KCNT2: variants seen among roughly 807,000 people sequenced by gnomAD.
KCNT2 encodes potassium channel subfamily T member 2.
In KCNT2, 67 loss-of-function variants were observed where a neutral mutation model predicts 153.8. The ratio of observed to expected loss-of-function variants is 0.44; its 90% CI spans 0.36 to 0.53. KCNT2 has a LOEUF of 0.53. KCNT2 is among the 20% of genes least tolerant of loss of function. The probability of loss-of-function intolerance (pLI) is 0.00; values close to 1 mark genes in which losing one functional copy is unlikely to be tolerated. For missense variants in KCNT2, 975 were observed against 1,354.8 expected, an observed-to-expected ratio of 0.72 and a Z score of 4.40; for synonymous variants, 500 against 458.8, an observed-to-expected ratio of 1.09 and a Z score of -1.15.
rs113738800 is a variant in KCNT2, at chr1:196,528,637, G to A, written c.96-36296C>T. ...AGCCTTTTAGTTTTAAGTGTTGATC[G>A]TAAAAAAACAGAATCATTAATGGAG... On this transcript the variant is annotated intron_variant, in intron 1 of 27. Transcript: ENST00000294725. Among the ~76,000 whole-genome samples, 1,213 of 152,142 alleles carry A rather than the reference G, an allele frequency of 8.0e-3. 6 individuals are homozygous for A. The highest frequency in any genetic ancestry group is 0.012 in the Non-Finnish European group (821 of 67,960).
intron 13 of KCNT2, among the ~76,000 whole-genome samples, chr1:196,376,585 C>T (rs1378110546): frequency 6.6e-6 from 1 of 151,704 alleles, no homozygotes; most frequent in African/African-American, 2.4e-5. Context: ...ATGTTCTTTC[C>T]TCTAGGCTAA....
chr1:196,260,818 T>C (rs1340785189), intron 25 of KCNT2, among the ~76,000 whole-genome samples: 1 of 151,720 alleles, frequency 6.6e-6, no homozygotes, highest in Non-Finnish European at 1.5e-5. Context: ...ATAGCCCCTA[T>C]AAAAAAGTGA....
chr1:196,255,891 T>C (rs895511027), intron 26 of KCNT2, among the ~76,000 whole-genome samples: 24 of 152,026 alleles, frequency 1.6e-4, no homozygotes, highest in African/African-American at 5.1e-4. Flanking sequence ...AACCTGTATA[T>C]CAGAAAATAT....
chr1:196,520,164 A>G (rs6703423), intron 1 of KCNT2, among the ~76,000 whole-genome samples: 2,616 of 152,270 alleles, frequency 0.017, 77 homozygotes, highest in African/African-American at 0.059. Flanking sequence ...ATGTAAATCA[A>G]TAAATGTCAT....
intron 1 of KCNT2, among the ~76,000 whole-genome samples, chr1:196,543,647 A>G (rs1344566092): frequency 2.6e-5 from 4 of 152,126 alleles, no homozygotes; most frequent in Non-Finnish European, 1.5e-5. Context: ...AATTTTCTGG[A>G]TGGTCCTTAA....
Position 196,235,978 on chromosome 1 carries a change from CA to C in KCNT2, c.3296+7del. On this transcript the variant is annotated splice_region_variant and intron_variant, in intron 27 of 27. Coordinates refer to ENST00000294725, the MANE Select transcript of KCNT2 (RefSeq NM_198503.5). Reference sequence around the variant, plus strand: ...ATCTGTCTTATATGAGATATGAGATCAACTTACACAACATCATTCAGCTCTA... The same window carrying C: ...ATCTGTCTTATATGAGATATGAGATCACTTACACAACATCATTCAGCTCTA... The C allele has an allele frequency of 6.5e-7, 1 of 1,535,180 alleles. No homozygotes were observed. Among genetic ancestry groups the C allele is most frequent in the Non-Finnish European group, 9.0e-7 (1 of 1,111,782 alleles).
At chr1:196,336,754 G>C (rs993159243) in intron 16 of KCNT2, among the ~76,000 whole-genome samples, 1 of 152,110 alleles carries the variant, frequency 6.6e-6, no homozygotes, top group African/African-American at 2.4e-5. Context: ...CTTATGTTAC[G>C]ACCTATCAGT....
intron 19 of KCNT2, among the ~76,000 whole-genome samples, chr1:196,321,941 T>C (rs543301042): frequency 2.0e-5 from 3 of 152,082 alleles, no homozygotes; most frequent in South Asian, 4.1e-4. Context: ...AGGCTCATAA[T>C]AAAACAATTT....
intron 25 of KCNT2, among the ~76,000 whole-genome samples, chr1:196,276,906 C>T (rs1658625773): frequency 6.6e-6 from 1 of 152,000 alleles, no homozygotes; most frequent in African/African-American, 2.4e-5. Context: ...TTTAGGATCC[C>T]CTCCTTTCCT....
At chr1:196,376,634 G>A (rs1668991949) in intron 13 of KCNT2, among the ~76,000 whole-genome samples, 1 of 151,828 alleles carries the variant, frequency 6.6e-6, no homozygotes, top group Non-Finnish European at 1.5e-5. Flanking sequence ...CAACTCTTTA[G>A]CATTCCACCT....
At chr1:196,370,115 G>T (rs2148318213) in intron 14 of KCNT2, among the ~76,000 whole-genome samples, 1 of 152,248 alleles carries the variant, frequency 6.6e-6, no homozygotes, top group South Asian at 2.1e-4. Context: ...CTTTTACACT[G>T]TTGGTGGGAC....
At chr1:196,553,588 G>A (rs1417587857) in intron 1 of KCNT2, among the ~76,000 whole-genome samples, 1 of 150,970 alleles carries the variant, frequency 6.6e-6, no homozygotes, top group Non-Finnish European at 1.5e-5. Flanking sequence ...CTCCCAGAAA[G>A]AAAATCAATA....
chr1:196,318,150 C>G (rs1662918575), intron 20 of KCNT2, among the ~76,000 whole-genome samples: 1 of 151,584 alleles, frequency 6.6e-6, no homozygotes, highest in South Asian at 2.1e-4. Context: ...AGATGGAAAA[C>G]AAGTTATAGG....
At chr1:196,299,685 A>G (rs1381249765) in intron 22 of KCNT2, among the ~76,000 whole-genome samples, 2 of 152,180 alleles carry the variant, frequency 1.3e-5, no homozygotes, top group African/African-American at 4.8e-5. Flanking sequence ...ATTATGGACA[A>G]CAAAATGAAG....
chr1:196,362,120 T>C (rs1301747981), intron 14 of KCNT2, among the ~76,000 whole-genome samples: 1 of 152,076 alleles, frequency 6.6e-6, no homozygotes, highest in Non-Finnish European at 1.5e-5. Context: ...ACTTTTTTTG[T>C]TTGTTTGTTC....
chr1:196,377,580 G>T (rs1669080307), intron 13 of KCNT2, among the ~76,000 whole-genome samples: 1 of 151,934 alleles, frequency 6.6e-6, no homozygotes, highest in Admixed American at 6.6e-5. Flanking sequence ...ACTAATGTTT[G>T]TTCACAGCAC....
intron 20 of KCNT2, chr1:196,317,338 C>A: frequency 2.4e-6 from 1 of 420,202 alleles, no homozygotes; most frequent in Non-Finnish European, 4.8e-6. Context: ...TAACATCCAA[C>A]CACTATGATG....
intron 1 of KCNT2, among the ~76,000 whole-genome samples, chr1:196,607,946 G>A (rs1198485008): frequency 6.6e-6 from 1 of 152,184 alleles, no homozygotes; most frequent in Admixed American, 6.5e-5. Context: ...GAAAAGCACA[G>A]ATAGACAAAA....
rs540118394 is a variant in KCNT2 at position 196,327,827 on chromosome 1, C to T, written c.2104-938G>A. ...GACTACAGGTGGGCACCAGCATGCTCGACTAATGTTTTTGTATTTTTGTAG... is the reference window on the plus strand; with the variant it reads ...GACTACAGGTGGGCACCAGCATGCTTGACTAATGTTTTTGTATTTTTGTAG... On this transcript the variant is annotated intron_variant, in intron 18 of 27. Coordinates refer to ENST00000294725, the MANE Select transcript of KCNT2 (RefSeq NM_198503.5). Among the ~76,000 whole-genome samples the T allele has an allele frequency of 5.3e-5, 8 of 151,762 alleles. No homozygotes were observed. The South Asian group carries it at 8.3e-4, about 16-fold the overall frequency.
Sources: gnomAD v4.1 joint callset for allele counts (sites outside exome capture counted in the v4.1 genomes callset) on GRCh38, gnomAD v4.1.1 for gene constraint, MANE v1.5 for transcripts, NCBI Gene and HGNC (gene_info 2026-07-23, HGNC 2026-07-21) for gene names.